TMEM272: variants seen among roughly 807,000 people sequenced by gnomAD.
TMEM272 encodes transmembrane protein 272.
In TMEM272, 8 loss-of-function variants were observed where a neutral mutation model predicts 3.7. That is an observed-to-expected ratio of 2.17 (90% CI 1.27 to 3.91). The LOEUF (loss-of-function observed/expected upper bound fraction) is 3.91. Among genes scored for constraint, TMEM272 ranks in the 30% most tolerant of loss-of-function variants. The probability of loss-of-function intolerance (pLI) is 0.00; values close to 1 mark genes in which losing one functional copy is unlikely to be tolerated. For synonymous variants in TMEM272, 63 were observed against 39.8 expected (o/e 1.58, Z -2.20); for missense variants, 166 against 91.5 (o/e 1.81, Z -3.32).
the TMEM272 span, among the ~76,000 whole-genome samples, chr13:51,873,300 C>T: frequency 5.9e-5 from 9 of 152,144 alleles, no homozygotes; most frequent in Non-Finnish European, 1.0e-4. Context: ...CTACTACATA[C>T]CCAGCTGTGA....
the TMEM272 span, among the ~76,000 whole-genome samples, chr13:51,894,893 G>A: frequency 2.0e-5 from 3 of 151,996 alleles, no homozygotes; most frequent in East Asian, 5.8e-4. Context: ...TTGTTTTCCT[G>A]CAACTAGATG....
At chr13:51,849,163 G>T (rs1174663644), upstream of TMEM272, among the ~76,000 whole-genome samples, 6 of 152,218 alleles carry the variant, frequency 3.9e-5, no homozygotes, top group Non-Finnish European at 8.8e-5. Context: ...CTAGTTCACA[G>T]TCAGGAAGAA....
chr13:51,916,965 G>A, the TMEM272 span, among the ~76,000 whole-genome samples: 1 of 152,192 alleles, frequency 6.6e-6, no homozygotes, highest in Non-Finnish European at 1.5e-5. Flanking sequence ...ACTCAGGTCT[G>A]TCTCGCTCAC....
the TMEM272 span, among the ~76,000 whole-genome samples, chr13:51,867,649 G>A: frequency 6.6e-6 from 1 of 152,166 alleles, no homozygotes; most frequent in East Asian, 1.9e-4. Flanking sequence ...TTGGCGCTGG[G>A]AAAGTCTGGG....
chr13:51,899,792 C>A, the TMEM272 span, among the ~76,000 whole-genome samples: 1 of 152,254 alleles, frequency 6.6e-6, no homozygotes, highest in South Asian at 2.1e-4. Flanking sequence ...AAAGGCTAGA[C>A]ATGTAGCTTA....
the TMEM272 span, chr13:51,908,309 G>A: frequency 7.9e-7 from 1 of 1,263,532 alleles, no homozygotes; most frequent in Non-Finnish European, 1.1e-6. Context: ...GAATGTGGGG[G>A]TGGGGGTGGG....
At chr13:51,904,359 G>A in the TMEM272 span, among the ~76,000 whole-genome samples, 6 of 152,226 alleles carry the variant, frequency 3.9e-5, no homozygotes, top group African/African-American at 1.2e-4. Context: ...TTGGTGGCTA[G>A]CTTATATGCA....
chr13:51,852,699 G>A, the TMEM272 span, among the ~76,000 whole-genome samples: 1 of 152,066 alleles, frequency 6.6e-6, no homozygotes, highest in Non-Finnish European at 1.5e-5. Flanking sequence ...CCAACATGGT[G>A]TAACCCCGTC....
At chr13:51,849,436 A>T (rs1287671682), upstream of TMEM272, among the ~76,000 whole-genome samples, 1 of 152,236 alleles carries the variant, frequency 6.6e-6, no homozygotes, top group Non-Finnish European at 1.5e-5. Flanking sequence ...TATTCTTAAC[A>T]CTACTGAGCT....
chr13:51,814,315 A>G lies in TMEM272; in HGVS notation c.*2436T>C, dbSNP rs1051371996. Reference sequence around the variant, plus strand: ...TGTGCCTTATCATAACCATCTCACCATCTCCTGAGGGAGGCCTTAATCAGT... The same window carrying G: ...TGTGCCTTATCATAACCATCTCACCGTCTCCTGAGGGAGGCCTTAATCAGT... On this transcript the variant is annotated 3_prime_UTR_variant, in exon 5 of 5. Coordinates refer to ENST00000629372, the MANE Select transcript of TMEM272 (RefSeq NM_001351003.2). 3 of 152,194 alleles carry G rather than the reference A, an allele frequency of 2.0e-5. No homozygotes were observed. Among genetic ancestry groups the G allele is most frequent in the Non-Finnish European group, 2.9e-5 (2 of 68,038 alleles). 9.4% of individuals were successfully genotyped at this position (152,194 alleles called of 1,614,324 possible). A position where few individuals can be genotyped will look rare whatever the true frequency, so the allele number is the denominator to read the frequency against.
At chr13:51,875,803 C>T in the TMEM272 span, among the ~76,000 whole-genome samples, 1 of 152,208 alleles carries the variant, frequency 6.6e-6, no homozygotes, top group African/African-American at 2.4e-5. Flanking sequence ...TACAAAACCA[C>T]CCAGACATAC....
intron 1 of TMEM272, among the ~76,000 whole-genome samples, chr13:51,839,387 G>A (rs764039168): frequency 6.6e-6 from 1 of 152,192 alleles, no homozygotes; most frequent in Non-Finnish European, 1.5e-5. Flanking sequence ...CTGGGTGTGC[G>A]TAGTTCCACC....
At chr13:51,864,677 A>C in the TMEM272 span, among the ~76,000 whole-genome samples, 1 of 152,194 alleles carries the variant, frequency 6.6e-6, no homozygotes, top group Non-Finnish European at 1.5e-5. Flanking sequence ...CATGTATCCT[A>C]GTCACAGTTC....
At chr13:51,919,518 CA>C in the TMEM272 span, among the ~76,000 whole-genome samples, 1 of 148,784 alleles carries the variant, frequency 6.7e-6, no homozygotes, top group African/African-American at 2.5e-5. Flanking sequence ...GTGTCTAGAA[CA>C]ATACATAAAA....
At chr13:51,905,457 C>A in the TMEM272 span, among the ~76,000 whole-genome samples, 5 of 152,306 alleles carry the variant, frequency 3.3e-5, no homozygotes, top group South Asian at 8.3e-4. Flanking sequence ...TCAGAGCAAC[C>A]CAAGGGAAGC....
chr13:51,835,215 TTTTATTTTC>T (rs1252710614), intron 2 of TMEM272, among the ~76,000 whole-genome samples: 2 of 99,658 alleles, frequency 2.0e-5, no homozygotes, highest in African/African-American at 6.7e-5. Context: ...AAAATAAAAC[TTTTATTTTC>T]TTTCTTTTTT....
At chr13:51,826,046 C>T (rs969636022) in intron 3 of TMEM272, among the ~76,000 whole-genome samples, 1 of 151,782 alleles carries the variant, frequency 6.6e-6, no homozygotes, top group South Asian at 2.1e-4. Flanking sequence ...CCCCATCCTG[C>T]CCCTCCCCTG....
At chr13:51,888,398 T>C in the TMEM272 span, among the ~76,000 whole-genome samples, 1 of 152,132 alleles carries the variant, frequency 6.6e-6, no homozygotes, top group Non-Finnish European at 1.5e-5. Flanking sequence ...ATCCCACCTC[T>C]GTAACCTCCC....
chr13:51,831,642 C>A (rs1010356324), intron 2 of TMEM272, among the ~76,000 whole-genome samples: 5 of 152,232 alleles, frequency 3.3e-5, no homozygotes, highest in African/African-American at 1.2e-4. Flanking sequence ...AAGCCACAGT[C>A]AGGAATTGGG....
Sources: gnomAD v4.1 joint callset for allele counts (sites outside exome capture counted in the v4.1 genomes callset) on GRCh38, gnomAD v4.1.1 for gene constraint, MANE v1.5 for transcripts, NCBI Gene and HGNC (gene_info 2026-07-23, HGNC 2026-07-21) for gene names.